Variants in ADPRM observed in about 807,000 individuals in gnomAD.
ADPRM encodes the protein ADP-ribose/CDP-alcohol diphosphatase, manganese dependent.
Under a neutral mutation model 27.2 loss-of-function variants are expected in ADPRM, and 17 were observed. The ratio of observed to expected loss-of-function variants is 0.63; its 90% confidence interval spans 0.43 to 0.94. The LOEUF (loss-of-function observed/expected upper bound fraction) is 0.94, where lower values mean the gene tolerates loss of function less well. ADPRM is among the 40% of genes least tolerant of loss of function. ADPRM has a pLI of 0.00. For synonymous variants in ADPRM, 135 were observed against 145.3 expected, an observed-to-expected ratio of 0.93 and a Z score of 0.51; for missense variants, 337 against 412.8, an observed-to-expected ratio of 0.82 and a Z score of 1.59.
At chr17:10,707,084 A>G (rs995750131) in intron 3 of ADPRM, among the ~76,000 whole-genome samples, 10 of 152,196 alleles carry the variant, frequency 6.6e-5, no homozygotes, top group African/African-American at 9.6e-5. Flanking sequence ...AAGAGAAGCA[A>G]GAACCCAAAG....
chr17:10,706,648 C>T, intron 3 of ADPRM, 94 bp downstream of exon 3: 2 of 851,706 alleles, frequency 2.3e-6, no homozygotes, highest in Non-Finnish European at 3.4e-6. Flanking sequence ...TTTCGATATC[C>T]TCTTTCTATA....
intron 3 of ADPRM, 44 bp downstream of exon 3, chr17:10,706,598 G>A: frequency 7.2e-7 from 1 of 1,395,594 alleles, no homozygotes; most frequent in South Asian, 1.5e-5. Context: ...TTTAGAGATT[G>A]GGAAAAGTTA....
At chr17:10,707,403 TAAAAC>T (rs1457256566) in intron 3 of ADPRM, among the ~76,000 whole-genome samples, 2 of 151,758 alleles carry the variant, frequency 1.3e-5, no homozygotes, top group South Asian at 2.1e-4. Context: ...CATAAATAAA[TAAAAC>T]CAAGCACAAA....
At chr17:10,699,276 TAAATA>T (rs2074758907) in intron 1 of ADPRM, 1 of 151,938 alleles carries the variant, frequency 6.6e-6, no homozygotes, top group South Asian at 2.1e-4. Flanking sequence ...CTCTAAAAAA[TAAATA>T]AAATAAATAT....
At chr17:10,699,410 G>GTGT (rs1341776571) in intron 1 of ADPRM, 1 of 152,172 alleles carries the variant, frequency 6.6e-6, no homozygotes, top group East Asian at 1.9e-4. Flanking sequence ...GGCGCCTACA[G>GTGT]TGTTATCCCT....
chr17:10,705,656 A>C lies in ADPRM; in HGVS notation c.601+129A>C. 1.6e-4 allele frequency: 223 copies of C among 1,363,888 alleles called. No homozygotes were observed. The highest frequency in any genetic ancestry group is 1.9e-4 in the Non-Finnish European group (198 of 1,026,978). 84.5% of individuals were successfully genotyped at this position (1,363,888 alleles called of 1,614,324 possible). A position where few individuals can be genotyped will look rare whatever the true frequency, so the allele number is the denominator to read the frequency against. On this transcript the variant is annotated intron_variant, in intron 2 of 3. Coordinates refer to ENST00000379774, the MANE Select transcript of ADPRM (RefSeq NM_020233.5). The surrounding 1 kb of genome is among the most constrained non-coding windows in gnomAD (Gnocchi z 5.4). ...CACTTGTTCAGGGTCAGGATTTCTC[A>C]CAAGCCTTCTCACATGGATTGGTTA...
chr17:10,710,052 TG>T (rs2074840949), intron 3 of ADPRM, among the ~76,000 whole-genome samples: 1 of 152,174 alleles, frequency 6.6e-6, no homozygotes, highest in South Asian at 2.1e-4. Context: ...TTTATGTCAA[TG>T]ACACATAATC....
At chr17:10,703,619 G>T (rs773857342) in intron 1 of ADPRM, among the ~76,000 whole-genome samples, 1 of 152,146 alleles carries the variant, frequency 6.6e-6, no homozygotes, top group Non-Finnish European at 1.5e-5. Flanking sequence ...TCTTATAGGA[G>T]TACTCTTAGA....
chr17:10,706,305 T>C, intron 2 of ADPRM, 133 bp from the exon 3 acceptor site: 1 of 610,838 alleles, frequency 1.6e-6, no homozygotes, highest in Non-Finnish European at 2.9e-6. Flanking sequence ...GCTTGTGATT[T>C]CCTATTTTAA....
At chr17:10,700,053 T>C (rs570268198) in intron 1 of ADPRM, among the ~76,000 whole-genome samples, 1 of 152,308 alleles carries the variant, frequency 6.6e-6, no homozygotes, top group South Asian at 2.1e-4. Context: ...ACCACAAACA[T>C]TTCCTGCCCC....
chr17:10,707,078 G>A (rs2074817831), intron 3 of ADPRM, among the ~76,000 whole-genome samples: 1 of 152,084 alleles, frequency 6.6e-6, no homozygotes, highest in Non-Finnish European at 1.5e-5. Flanking sequence ...CTCCATAAGA[G>A]AAGCAAGAAC....
chr17:10,701,061 A>G (rs1343800012), intron 1 of ADPRM, among the ~76,000 whole-genome samples: 7 of 152,170 alleles, frequency 4.6e-5, no homozygotes, highest in African/African-American at 7.2e-5. Flanking sequence ...ACGATAACCT[A>G]TTGAGGGTTA....
rs1016259392 is a variant in ADPRM, at chr17:10,705,905, G to C, written c.601+378G>C. 7.5e-6 allele frequency: 2 copies of C among 266,892 alleles called. No individual in the cohort carries two copies. The highest frequency in any genetic ancestry group is 4.4e-5 in the African/African-American group (2 of 45,284). 16.5% of individuals were successfully genotyped at this position (266,892 alleles called of 1,614,324 possible). On this transcript the variant is annotated intron_variant, in intron 2 of 3. Transcript: ENST00000379774. This position sits in a 1 kb window ranked among gnomAD's most constrained non-coding sequence, Gnocchi z 5.4. Reference sequence around the variant, plus strand: ...AAGTGCTGCCAAGGAAATAGAGTATGATGTTATAGAGTGTTACGGAAAAGG... The same window carrying C: ...AAGTGCTGCCAAGGAAATAGAGTATCATGTTATAGAGTGTTACGGAAAAGG...
At chr17:10,701,475 C>T (rs1478352789) in intron 1 of ADPRM, among the ~76,000 whole-genome samples, 3 of 151,934 alleles carry the variant, frequency 2.0e-5, no homozygotes, top group South Asian at 2.1e-4. Context: ...GGACTACAGG[C>T]GCCTGCCACC....
chr17:10,710,889 C>T lies in ADPRM; in HGVS notation c.774C>T (p.Tyr258=). Residue 258 remains tyrosine, a synonymous_variant, in exon 4 of 4, where the codon TAC becomes TAT. Coordinates refer to ENST00000379774, the MANE Select transcript of ADPRM (RefSeq NM_020233.5). ...ASDNVCLAWN[Y]RDALAVIWSH... is the part of the protein sequence containing the mutation. ...ACAATGTGTGCCTGGCCTGGAACTACAGAGATGCCCTGGCAGTCATTTGGT... is the reference window on the plus strand; with the variant it reads ...ACAATGTGTGCCTGGCCTGGAACTATAGAGATGCCCTGGCAGTCATTTGGT... The T allele has an allele frequency of 6.2e-7, 1 of 1,614,224 alleles. No individual in the cohort carries two copies. The highest frequency in any genetic ancestry group is 8.5e-7 in the Non-Finnish European group (1 of 1,180,034).
chr17:10,705,672 G>A lies in ADPRM; in HGVS notation c.601+145G>A. On this transcript the variant is annotated intron_variant, in intron 2 of 3. Transcript: ENST00000379774. This position sits in a 1 kb window ranked among gnomAD's most constrained non-coding sequence, Gnocchi z 5.4. The stretch of plus-strand genomic sequence containing the variant: ...GGATTTCTCACAAGCCTTCTCACAT[G>A]GATTGGTTACAGTTGATTCAAGATT... 7.8e-7 allele frequency: 1 copy of A among 1,288,772 alleles called. No individual in the cohort carries two copies. Among genetic ancestry groups the A allele is most frequent in the Non-Finnish European group, 1.0e-6 (1 of 963,718 alleles). The allele number at this position is 1,288,772 out of a possible 1,614,324, so 79.8% of individuals were successfully genotyped here. A position where few individuals can be genotyped will look rare whatever the true frequency, so the allele number is the denominator to read the frequency against.
chr17:10,706,335 A>G (rs1597516471), intron 2 of ADPRM, 103 bp from the exon 3 acceptor site: 4 of 718,138 alleles, frequency 5.6e-6, no homozygotes, highest in Non-Finnish European at 9.7e-6. Flanking sequence ...TGCTAATCAG[A>G]TATTCCTAAA....
At chr17:10,701,984 G>A (rs2074782347) in intron 1 of ADPRM, among the ~76,000 whole-genome samples, 1 of 152,048 alleles carries the variant, frequency 6.6e-6, no homozygotes, top group Non-Finnish European at 1.5e-5. Flanking sequence ...ATCTTTCCCT[G>A]AATATGTTTC....
At chr17:10,708,429 C>CAAAAAA (rs1206878055) in intron 3 of ADPRM, among the ~76,000 whole-genome samples, 59 of 29,938 alleles carry the variant, frequency 2.0e-3, no homozygotes, top group East Asian at 0.016. Flanking sequence ...AACTCCGTCT[C>CAAAAAA]AAAAAAAAAA....
Sources: allele counts gnomAD v4.1 joint callset (sites outside exome capture counted in the v4.1 genomes callset), GRCh38; gene constraint gnomAD v4.1.1; non-coding constraint Gnocchi (gnomAD v3.1); transcripts MANE v1.5; gene names NCBI Gene and HGNC (gene_info 2026-07-23, HGNC 2026-07-21).